The following PLA2G4E variants were observed in gnomAD, a reference collection of about 807,000 sequenced individuals.
PLA2G4E encodes cytosolic phospholipase A2 epsilon.
In PLA2G4E, 84 loss-of-function variants were observed where a neutral mutation model predicts 109.1. The observed-to-expected ratio is 0.77, with a 90% CI of 0.65 to 0.92. The LOEUF (loss-of-function observed/expected upper bound fraction) is 0.92. Ranked by LOEUF, PLA2G4E falls within the 40% of genes least tolerant of loss-of-function variation. The probability of loss-of-function intolerance (pLI) is 0.00; values close to 1 mark genes in which losing one functional copy is unlikely to be tolerated. For missense variants in PLA2G4E, 1,057 were observed against 1,076.6 expected, an observed-to-expected ratio of 0.98 and a Z score of 0.25; for synonymous variants, 469 against 436.1, an observed-to-expected ratio of 1.08 and a Z score of -0.94.
rs574840312 is a variant in PLA2G4E at position 42,013,585 on chromosome 15, G to A, written c.256+100C>T. ...ACCATGCACGTGCACACGTGCGCGC[G>A]CACACACACACACGGATCCACCTGA... On this transcript the variant is annotated intron_variant, in intron 2 of 19. Transcript: ENST00000399518. The A allele has an allele frequency of 6.7e-4, 727 of 1,078,440 alleles. 3 individuals carry two copies. In the African/African-American group the frequency reaches 7.1e-3, roughly 11 times the overall value. The allele number at this position is 1,078,440 out of a possible 1,614,324, so 66.8% of individuals were successfully genotyped here. A position where few individuals can be genotyped will look rare whatever the true frequency, so the allele number is the denominator to read the frequency against.
chr15:42,041,398 G>A (rs979140017), intron 1 of PLA2G4E, among the ~76,000 whole-genome samples: 11 of 152,176 alleles, frequency 7.2e-5, no homozygotes, highest in African/African-American at 2.7e-4. Flanking sequence ...ATGGCATCTA[G>A]GCGTTGGATA....
At chr15:42,007,752 A>G in exon 3 of PLA2G4E, 1 of 1,612,798 alleles carries the variant, frequency 6.2e-7, no homozygotes, top group Non-Finnish European at 8.5e-7. Flanking sequence ...TGGATCTGGA[A>G]GTTGAAGCTT....
chr15:42,046,662 G>T (rs1017952049), intron 1 of PLA2G4E, among the ~76,000 whole-genome samples: 1 of 152,156 alleles, frequency 6.6e-6, no homozygotes, highest in Non-Finnish European at 1.5e-5. Flanking sequence ...CGTGAGAGCT[G>T]GATCTTGTCT....
rs1200711913 is a variant in PLA2G4E at position 42,044,476 on chromosome 15, T to C, written c.183+6045A>G. Among the ~76,000 whole-genome samples, 6 of 151,900 alleles carry C rather than the reference T, an allele frequency of 3.9e-5. No individual in the cohort carries two copies. The South Asian group carries it at 6.2e-4, about 16-fold the overall frequency. The stretch of plus-strand genomic sequence containing the variant: ...GTCAGAGAGGCCTTGGAAGCCATGG[T>C]CAAGATTTGGGATTTTATCTTAAGA... On this transcript the variant is annotated intron_variant, in intron 1 of 19. Transcript: ENST00000399518.
chr15:42,016,203 T>C (rs1415545721), intron 1 of PLA2G4E, among the ~76,000 whole-genome samples: 3 of 151,552 alleles, frequency 2.0e-5, no homozygotes, highest in South Asian at 2.1e-4. Context: ...AAAAAGTTTC[T>C]ATAATCCCAC....
chr15:41,993,351 G>C (rs2068283044), intron 12 of PLA2G4E, among the ~76,000 whole-genome samples: 1 of 152,168 alleles, frequency 6.6e-6, no homozygotes, highest in Non-Finnish European at 1.5e-5. Context: ...AATTGTACCT[G>C]CTTCACAGAG....
chr15:42,007,800 T>G (rs1355269322), exon 3 of PLA2G4E: 4 of 1,611,936 alleles, frequency 2.5e-6, no homozygotes, highest in East Asian at 2.2e-5. Flanking sequence ...GAGATGGTCC[T>G]TGTCCTCAGC....
At chr15:42,006,172 C>A in intron 3 of PLA2G4E, 51 bp from the exon 4 acceptor site, 1 of 1,605,182 alleles carries the variant, frequency 6.2e-7, no homozygotes. Context: ...GCATTGACCC[C>A]TTCCCAGAAC....
chr15:42,044,759 A>G (rs957875700), intron 1 of PLA2G4E, among the ~76,000 whole-genome samples: 7 of 151,062 alleles, frequency 4.6e-5, no homozygotes, highest in African/African-American at 1.7e-4. Context: ...TGTTGTGCAC[A>G]TGTACCCTAA....
At chr15:42,004,319 A>AGGAAAGAAAGGAAAGAAAG (rs1566841553) in intron 5 of PLA2G4E, among the ~76,000 whole-genome samples, 9 of 149,830 alleles carry the variant, frequency 6.0e-5, no homozygotes, top group Non-Finnish European at 1.0e-4. Context: ...AGGAAAGAAA[A>AGGAAAGAAAGGAAAGAAAG]GGAAAGAAAG....
At chr15:42,012,478 C>T (rs1330178943) in intron 2 of PLA2G4E, among the ~76,000 whole-genome samples, 2 of 152,182 alleles carry the variant, frequency 1.3e-5, no homozygotes, top group African/African-American at 2.4e-5. Context: ...CTGGGAGCAT[C>T]GGGTAGTGTG....
At chr15:41,999,429 A>G (rs530687645) in intron 10 of PLA2G4E, 95 bp downstream of exon 10, 20 of 885,630 alleles carry the variant, frequency 2.3e-5, no homozygotes, top group Non-Finnish European at 3.7e-5. Context: ...ATCATTAGCC[A>G]TAGGGGAAAT....
intron 13 of PLA2G4E, among the ~76,000 whole-genome samples, chr15:41,992,342 G>A (rs570830585): frequency 2.3e-4 from 35 of 152,242 alleles, no homozygotes; most frequent in African/African-American, 7.5e-4. Flanking sequence ...CAGACCACAT[G>A]GTGGTCTGGG....
chr15:41,985,465 G>A (rs1012171618), intron 18 of PLA2G4E, among the ~76,000 whole-genome samples: 2 of 152,218 alleles, frequency 1.3e-5, no homozygotes, highest in Admixed American at 6.5e-5. Flanking sequence ...TATACCCTGG[G>A]GGAAGGGAGA....
chr15:42,014,255 G>A (rs2068567298), intron 1 of PLA2G4E, among the ~76,000 whole-genome samples: 1 of 152,120 alleles, frequency 6.6e-6, no homozygotes, highest in South Asian at 2.1e-4. Flanking sequence ...GAAGGTCCTG[G>A]AAGCTCCAGA....
At position 41,986,014 on chromosome 15, in the gene PLA2G4E, CA is replaced by C; in HGVS notation, c.2036-10del. 1 of 1,583,430 alleles carries C rather than the reference CA, an allele frequency of 6.3e-7. No homozygotes were observed. Among genetic ancestry groups the C allele is most frequent in the Non-Finnish European group, 8.6e-7 (1 of 1,163,616 alleles). Reference sequence around the variant, plus strand: ...ACCATCTAGCACTGTGTCTGAAAGCCAAGCCTTCCCGTTACCAACACACCTG... The same window carrying C: ...ACCATCTAGCACTGTGTCTGAAAGCCAGCCTTCCCGTTACCAACACACCTG... On this transcript the variant is annotated splice_polypyrimidine_tract_variant and intron_variant, in intron 17 of 19. Coordinates refer to ENST00000399518, the Ensembl canonical transcript of PLA2G4E.
chr15:42,040,387 T>C (rs1459233447), intron 1 of PLA2G4E, among the ~76,000 whole-genome samples: 2 of 152,222 alleles, frequency 1.3e-5, no homozygotes, highest in Admixed American at 6.5e-5. Flanking sequence ...AATCATTTTG[T>C]CATTTGGGGA....
In PLA2G4E at chr15:42,031,215, C is replaced by T. The variant is rs549614712; in HGVS notation, c.184-17458G>A. 1.4e-3 allele frequency among the ~76,000 whole-genome samples: 207 copies of T among 152,274 alleles called. 1 individual carries two copies. The highest frequency in any genetic ancestry group is 6.8e-3 in the Middle Eastern group (2 of 294). On this transcript the variant is annotated intron_variant, in intron 1 of 19. Coordinates refer to ENST00000399518, the Ensembl canonical transcript of PLA2G4E. ...AACTTCTGGGCTCAAGAAATCCACC[C>T]GCCTCTTCTTCCCAAAGTGCTGGGA...
intron 1 of PLA2G4E, among the ~76,000 whole-genome samples, chr15:42,039,419 A>G (rs1889276075): frequency 6.6e-6 from 1 of 152,172 alleles, no homozygotes; most frequent in Non-Finnish European, 1.5e-5. Context: ...CAATATGGAA[A>G]AATACTTTTG....
Sources: gnomAD v4.1 joint callset for allele counts (sites outside exome capture counted in the v4.1 genomes callset) on GRCh38, gnomAD v4.1.1 for gene constraint, MANE v1.5 for transcripts, NCBI Gene and HGNC (gene_info 2026-07-23, HGNC 2026-07-21) for gene names.